Variants in SLC5A11 observed in about 807,000 individuals in gnomAD.
The protein encoded by SLC5A11 is sodium/myo-inositol cotransporter 2.
SLC5A11 carries 48 observed loss-of-function variants against 69.8 expected under a neutral mutation model. The ratio of observed to expected loss-of-function variants is 0.69; its 90% CI spans 0.55 to 0.87. The LOEUF (loss-of-function observed/expected upper bound fraction) is 0.87, where lower values mean the gene tolerates loss of function less well. SLC5A11 is among the 40% of genes least tolerant of loss of function. SLC5A11 has a pLI of 0.00. For missense variants in SLC5A11, 784 were observed against 866.1 expected (o/e 0.91, Z 1.19); for synonymous variants, 319 against 342.4 (o/e 0.93, Z 0.75).
At chr16:24,907,931 T>C (rs758721933) in intron 12 of SLC5A11, 32 bp from the exon 14 acceptor site, 2 of 1,484,672 alleles carry the variant, frequency 1.3e-6, no homozygotes. Flanking sequence ...GTTCAGATGA[T>C]GCTAATTTGT....
chr16:24,883,833 A>G (rs532921985), intron 7 of SLC5A11, among the ~76,000 whole-genome samples: 7 of 152,372 alleles, frequency 4.6e-5, no homozygotes, highest in Non-Finnish European at 8.8e-5. Flanking sequence ...CCCATGTGAG[A>G]AGCGGAGAAA....
intron 1 of SLC5A11, among the ~76,000 whole-genome samples, chr16:24,857,768 A>T (rs931318088): frequency 6.6e-6 from 1 of 152,186 alleles, no homozygotes; most frequent in Non-Finnish European, 1.5e-5. Context: ...TCCCAATTTT[A>T]AGTGATTTGA....
intron 8 of SLC5A11, among the ~76,000 whole-genome samples, chr16:24,889,710 G>T (rs1415900906): frequency 6.6e-6 from 1 of 151,682 alleles, no homozygotes; most frequent in Non-Finnish European, 1.5e-5. Flanking sequence ...ACCACGCCTG[G>T]CTAATTTTTG....
intron 3 of SLC5A11, among the ~76,000 whole-genome samples, chr16:24,867,120 G>A (rs2046968015): frequency 6.6e-6 from 1 of 152,142 alleles, no homozygotes; most frequent in African/African-American, 2.4e-5. Context: ...AGAATAGACT[G>A]TATGTTAAGC....
At chr16:24,907,058 C>T (rs748302446) in exon 12 of SLC5A11, 20 of 1,613,940 alleles carry the variant, frequency 1.2e-5, no homozygotes, top group African/African-American at 9.3e-5. Flanking sequence ...GTGATGGTGG[C>T]GGCTCTCATG....
intron 2 of SLC5A11, among the ~76,000 whole-genome samples, chr16:24,860,261 T>A (rs1437626097): frequency 3.9e-5 from 6 of 152,130 alleles, no homozygotes; most frequent in African/African-American, 1.4e-4. Flanking sequence ...CACTCCAGCC[T>A]GGGCGACAGA....
chr16:24,868,815 C>T (rs986180407), intron 3 of SLC5A11, among the ~76,000 whole-genome samples: 17 of 151,262 alleles, frequency 1.1e-4, no homozygotes, highest in African/African-American at 4.1e-4. Context: ...TCCTCCTTTC[C>T]TTCCTCCTCC....
intron 13 of SLC5A11, 81 bp downstream of exon 14, chr16:24,908,212 G>C (rs1330742217): frequency 3.4e-6 from 5 of 1,461,758 alleles, no homozygotes; most frequent in Non-Finnish European, 3.7e-6. Flanking sequence ...GGAGGGTGTT[G>C]GAGGGAGACA....
At chr16:24,889,548 T>A (rs2048632186) in intron 8 of SLC5A11, among the ~76,000 whole-genome samples, 1 of 130,560 alleles carries the variant, frequency 7.7e-6, no homozygotes, top group Non-Finnish European at 1.6e-5. Context: ...TTACAATTTT[T>A]TTTTTTTTTT....
chr16:24,905,420 C>T (rs772784035), intron 10 of SLC5A11, among the ~76,000 whole-genome samples: 5 of 150,388 alleles, frequency 3.3e-5, no homozygotes, highest in Non-Finnish European at 5.9e-5. Flanking sequence ...CCAGTCTGGG[C>T]GACAGAGTGA....
At chr16:24,855,619 A>T (rs926193798) in intron 1 of SLC5A11, among the ~76,000 whole-genome samples, 1 of 151,972 alleles carries the variant, frequency 6.6e-6, no homozygotes, top group African/African-American at 2.4e-5. Flanking sequence ...AAAGAGAAAA[A>T]GTGATTGTGC....
chr16:24,876,211 A>G (rs906008165), intron 6 of SLC5A11, among the ~76,000 whole-genome samples: 1 of 151,850 alleles, frequency 6.6e-6, no homozygotes, highest in Non-Finnish European at 1.5e-5. Context: ...AAAGAAAAAA[A>G]AAAAAAAGAA....
chr16:24,889,005 C>G (rs186012407), intron 8 of SLC5A11, among the ~76,000 whole-genome samples: 4 of 151,826 alleles, frequency 2.6e-5, no homozygotes, highest in Non-Finnish European at 5.9e-5. Flanking sequence ...CCATGTGGGC[C>G]AGGCTGGTCT....
chr16:24,902,270 TG>T (rs2049686914), intron 10 of SLC5A11, among the ~76,000 whole-genome samples: 1 of 151,988 alleles, frequency 6.6e-6, no homozygotes, highest in Non-Finnish European at 1.5e-5. Context: ...TGCAATGGTT[TG>T]AAAGTACATC....
intron 8 of SLC5A11, among the ~76,000 whole-genome samples, chr16:24,888,478 C>CTTTTT (rs891552223): frequency 3.2e-3 from 259 of 81,376 alleles, no homozygotes; most frequent in Non-Finnish European, 3.7e-3. Flanking sequence ...GTATCTATTT[C>CTTTTT]TTTTTTTTTT....
intron 4 of SLC5A11, 33 bp from the exon 6 acceptor site, chr16:24,872,127 G>A: frequency 1.2e-6 from 2 of 1,613,998 alleles, no homozygotes; most frequent in Non-Finnish European, 1.7e-6. Flanking sequence ...TTGTGAGCTG[G>A]GGGCCAAGTC....
intron 4 of SLC5A11, among the ~76,000 whole-genome samples, chr16:24,870,856 GA>G (rs1404480529): frequency 1.3e-5 from 2 of 149,848 alleles, no homozygotes; most frequent in African/African-American, 4.9e-5. Flanking sequence ...GCAGAAGAAA[GA>G]TGGTGAAGAC....
chr16:24,858,814 A>G (rs1308209343), intron 2 of SLC5A11, 36 bp downstream of exon 3: 2 of 1,597,316 alleles, frequency 1.3e-6, no homozygotes, highest in South Asian at 1.1e-5. Flanking sequence ...GGATGAAGAG[A>G]GAAGGAAATG....
chr16:24,903,516 C>T (rs573457152), intron 10 of SLC5A11, among the ~76,000 whole-genome samples: 12 of 152,310 alleles, frequency 7.9e-5, no homozygotes, highest in Middle Eastern at 3.4e-3. Context: ...CACTACCCTT[C>T]CCAGCCTCTA....
Sources: gnomAD v4.1 joint callset for allele counts (sites outside exome capture counted in the v4.1 genomes callset) on GRCh38, gnomAD v4.1.1 for gene constraint, MANE v1.5 for transcripts, NCBI Gene and HGNC (gene_info 2026-07-23, HGNC 2026-07-21) for gene names.